Variants in SYNJ1 observed in about 807,000 individuals in gnomAD.
SYNJ1 encodes the protein synaptojanin 1, also known as polyphosphatidylinositol phosphatase SYNJ1.
Under a neutral mutation model 168.2 loss-of-function variants are expected in SYNJ1, and 78 were observed. That is an observed-to-expected ratio of 0.46 (90% CI 0.39 to 0.56). The LOEUF (loss-of-function observed/expected upper bound fraction) is 0.56. Among genes scored for constraint, SYNJ1 ranks in the 20% least tolerant of loss-of-function variants. SYNJ1 has a pLI of 0.00. For synonymous variants in SYNJ1, 539 were observed against 548.6 expected (o/e 0.98, Z 0.24); for missense variants, 1,303 against 1,597.6 (o/e 0.82, Z 3.14).
chr21:32,638,844 G>C lies in SYNJ1; in HGVS notation c.3915+64C>G, dbSNP rs2039697224. On this transcript the variant is annotated intron_variant, in intron 31 of 32. Coordinates refer to ENST00000674351, the MANE Select transcript of SYNJ1 (RefSeq NM_203446.3). ...CTTATAACAGGCAATAATTAAAATA[G>C]GTATGTTCAAAGACTAAATCATATG... The C allele has an allele frequency of 4.2e-6, 6 of 1,420,226 alleles. No individual in the cohort carries two copies. The South Asian group carries it at 9.5e-5, about 23-fold the overall frequency. 88.0% of individuals were successfully genotyped at this position (1,420,226 alleles called of 1,614,324 possible).
chr21:32,647,486 G>A (rs2040117946), intron 23 of SYNJ1, among the ~76,000 whole-genome samples: 1 of 152,170 alleles, frequency 6.6e-6, no homozygotes, highest in African/African-American at 2.4e-5. Flanking sequence ...GCACTCTTCT[G>A]AAATAATAAA....
intron 4 of SYNJ1, among the ~76,000 whole-genome samples, chr21:32,695,765 C>T (rs982376494): frequency 2.0e-5 from 3 of 151,218 alleles, no homozygotes; most frequent in Non-Finnish European, 4.4e-5. Flanking sequence ...CAGGTTCAAG[C>T]GATTCTTCTG....
intron 26 of SYNJ1, 62 bp downstream of exon 26, chr21:32,644,906 C>A: frequency 6.6e-7 from 1 of 1,525,464 alleles, no homozygotes; most frequent in South Asian, 1.2e-5. Flanking sequence ...TCTAAAATGT[C>A]TTTCAGGTGT....
chr21:32,727,935 G>T lies in SYNJ1; in HGVS notation c.-23+11C>A. 6.5e-7 allele frequency: 1 copy of T among 1,532,410 alleles called. No individual in the cohort carries two copies. Among genetic ancestry groups the T allele is most frequent in the Non-Finnish European group, 8.7e-7 (1 of 1,145,714 alleles). The allele number at this position is 1,532,410 out of a possible 1,614,324, so 94.9% of individuals were successfully genotyped here. A position where few individuals can be genotyped will look rare whatever the true frequency, so the allele number is the denominator to read the frequency against. ...CCGCAGCAGCTCCCCGCCCCCCGCC[G>T]GCTTGCTCACCTCTTCCTCCGGCTC... is the stretch of plus-strand genomic sequence containing the variant. On this transcript the variant is annotated intron_variant, in intron 1 of 32. Transcript: ENST00000674351.
At chr21:32,637,296 T>C (rs2039611480) in intron 31 of SYNJ1, among the ~76,000 whole-genome samples, 2 of 144,330 alleles carry the variant, frequency 1.4e-5, no homozygotes, top group East Asian at 2.0e-4. Flanking sequence ...TACAAGAAAA[T>C]AAGAAAAATT....
At chr21:32,641,861 C>G (rs370625967) in intron 29 of SYNJ1, 35 bp downstream of exon 29, 1 of 1,534,138 alleles carries the variant, frequency 6.5e-7, no homozygotes, top group Non-Finnish European at 8.9e-7. Flanking sequence ...GACTTAGAAC[C>G]GAGACCCCTT....
At chr21:32,717,014 C>T (rs2043047638) in intron 2 of SYNJ1, among the ~76,000 whole-genome samples, 1 of 151,788 alleles carries the variant, frequency 6.6e-6, no homozygotes, top group South Asian at 2.1e-4. Context: ...GACTGGAATG[C>T]AATGGCATGC....
chr21:32,638,856 G>T, intron 31 of SYNJ1, 52 bp downstream of exon 31: 3 of 1,502,658 alleles, frequency 2.0e-6, no homozygotes, highest in Non-Finnish European at 2.7e-6. Context: ...TATGTTCAAA[G>T]ACTAAATCAT....
At position 32,671,312 on chromosome 21, in the gene SYNJ1, GA is replaced by G. The variant is rs1002372303; in HGVS notation, c.1727-941del. ...ACAGAGAAAGACCCTGTCTCAAAAA[GA>G]AAAAAAAAAGAAGAGCCTATAAATA... On this transcript the variant is annotated intron_variant, in intron 14 of 32. Transcript: ENST00000674351. 5.9e-5 allele frequency among the ~76,000 whole-genome samples: 8 copies of G among 135,712 alleles called. No individual in the cohort carries two copies. In the East Asian group the frequency reaches 8.5e-4, roughly 14 times the overall value. 89.0% of individuals were successfully genotyped at this position (135,712 alleles called of 152,430 possible).
At chr21:32,710,457 T>C (rs1411826792) in intron 2 of SYNJ1, among the ~76,000 whole-genome samples, 1 of 152,084 alleles carries the variant, frequency 6.6e-6, no homozygotes, top group Admixed American at 6.5e-5. Context: ...TTCTAAGGGA[T>C]CAGAGAAGAA....
chr21:32,666,660 AC>A, intron 15 of SYNJ1, 87 bp from the exon 16 acceptor site: 1 of 1,371,658 alleles, frequency 7.3e-7, no homozygotes, highest in African/African-American at 1.5e-5. Context: ...ACCTTTATCT[AC>A]CCAAATATCC....
intron 2 of SYNJ1, among the ~76,000 whole-genome samples, chr21:32,714,901 G>A (rs2042967297): frequency 2.0e-5 from 3 of 152,112 alleles, no homozygotes; most frequent in Non-Finnish European, 2.9e-5. Context: ...CCTTTTGTGG[G>A]TTCTAACCCA....
chr21:32,645,747 T>C lies in SYNJ1; in HGVS notation c.3290A>G (p.Lys1097Arg), dbSNP rs946267411. 6.8e-7 allele frequency: 1 copy of C among 1,465,530 alleles called. No individual in the cohort carries two copies. Among genetic ancestry groups the C allele is most frequent in the Non-Finnish European group, 9.0e-7 (1 of 1,106,850 alleles). The allele number at this position is 1,465,530 out of a possible 1,614,324, so 90.8% of individuals were successfully genotyped here. A position where few individuals can be genotyped will look rare whatever the true frequency, so the allele number is the denominator to read the frequency against. The change falls in exon 25 of 33, where the codon AAA becomes AGA. Residue 1097 changes from lysine to arginine, a missense_variant. Lys to Arg is a conservative substitution (Grantham distance 26). Transcript: ENST00000674351. Reference sequence around the variant, plus strand: ...GGGCTCCAAGGGCTGGGCGGGGTCTTTCTGCGGCAGCGGCGTTGCTGGCTG... The same window carrying C: ...GGGCTCCAAGGGCTGGGCGGGGTCTCTCTGCGGCAGCGGCGTTGCTGGCTG... ...DAQPATPLPQKDPAQPLEPKR... is the reference protein window; with the variant it reads ...DAQPATPLPQRDPAQPLEPKR...
rs540825481 is a variant in SYNJ1 at position 32,681,530 on chromosome 21, T to C, written c.1319A>G (p.Tyr440Cys). Residue 440 changes from tyrosine to cysteine, a missense_variant, in exon 11 of 33, where the codon TAT becomes TGT. Tyr to Cys is a radical substitution (Grantham distance 194). This residue lies in a region of SYNJ1 where 920 missense variants were observed against 1,208.8 expected (regional missense o/e 0.76). Transcript: ENST00000674351. ...CCCTTCAAGAGCTCCAGTTCCTGCA[T>C]ATATCTTACTGATTGAATCACCATT... ...SVNGDSISKI[Y>C]AGTGALEGKA... is the part of the protein sequence containing the mutation. 6.2e-7 allele frequency: 1 copy of C among 1,613,330 alleles called. No homozygotes were observed. Among genetic ancestry groups the C allele is most frequent in the African/African-American group, 1.3e-5 (1 of 75,038 alleles).
intron 32 of SYNJ1, 76 bp from the exon 33 acceptor site, chr21:32,631,877 T>C: frequency 7.5e-7 from 1 of 1,334,524 alleles, no homozygotes; most frequent in Non-Finnish European, 1.0e-6. Context: ...GTCTCAATTA[T>C]TCTTCCCTTT....
At chr21:32,634,818 A>G in intron 32 of SYNJ1, 43 bp downstream of exon 32, 1 of 1,605,484 alleles carries the variant, frequency 6.2e-7, no homozygotes, top group South Asian at 1.1e-5. Flanking sequence ...TAATGTGTTG[A>G]GACGGATGAA....
intron 31 of SYNJ1, among the ~76,000 whole-genome samples, chr21:32,635,680 C>T (rs1240432099): frequency 1.3e-5 from 2 of 152,060 alleles, no homozygotes; most frequent in African/African-American, 2.4e-5. Context: ...TTGGTACATA[C>T]TATTTTGCAA....
rs201375051 is a variant in SYNJ1 at position 32,649,746 on chromosome 21, A to ATTTGT, written c.3037+433_3037+437dup. 8.3e-3 allele frequency among the ~76,000 whole-genome samples: 1,270 copies of ATTTGT among 152,208 alleles called. 14 individuals carry two copies. The highest frequency in any genetic ancestry group is 0.029 in the African/African-American group (1,199 of 41,528). ...ATAAACACAATATGATGTGAAATAA[A>ATTTGT]TTTGTTTTGTTTTGTTTTGTTTTGA... On this transcript the variant is annotated intron_variant, in intron 23 of 32. Transcript: ENST00000674351.
At chr21:32,676,684 T>A (rs2041423273) in intron 12 of SYNJ1, among the ~76,000 whole-genome samples, 1 of 152,188 alleles carries the variant, frequency 6.6e-6, no homozygotes, top group South Asian at 2.1e-4. Context: ...AATATAAATA[T>A]GAAAACCTAA....
Sources: allele counts gnomAD v4.1 joint callset (sites outside exome capture counted in the v4.1 genomes callset), GRCh38; gene constraint gnomAD v4.1.1; regional missense constraint gnomAD v4.1.1; transcripts MANE v1.5; gene names NCBI Gene and HGNC (gene_info 2026-07-23, HGNC 2026-07-21).